The following GRID2 variants were observed in gnomAD, a reference collection of about 807,000 sequenced individuals.
GRID2 encodes the protein glutamate receptor ionotropic, delta-2.
In GRID2, 33 loss-of-function variants were observed where a neutral mutation model predicts 114.8. That is an observed-to-expected ratio of 0.29 (90% CI 0.22 to 0.38). GRID2 has a LOEUF of 0.38. Ranked by LOEUF, GRID2 falls within the 10% of genes least tolerant of loss-of-function variation. The probability of loss-of-function intolerance (pLI) is 1.00; values close to 1 mark genes in which losing one functional copy is unlikely to be tolerated. For missense variants in GRID2, 1,184 were observed against 1,257.7 expected, an observed-to-expected ratio of 0.94 and a Z score of 0.89; for synonymous variants, 505 against 449.9, an observed-to-expected ratio of 1.12 and a Z score of -1.55.
rs925562192 is a variant in GRID2, at chr4:92,886,827, G to T, written c.245-198168G>T. Among the ~76,000 whole-genome samples the T allele has an allele frequency of 1.3e-4, 20 of 151,988 alleles. No homozygotes were observed. In the East Asian group the frequency reaches 3.7e-3, roughly 28 times the overall value. Reference sequence around the variant, plus strand: ...TTTTTAGTAGAGACGGGGTTTCACCGTGTTAGCCAGGATGGCCTTGAAAAC... The same window carrying T: ...TTTTTAGTAGAGACGGGGTTTCACCTTGTTAGCCAGGATGGCCTTGAAAAC... On this transcript the variant is annotated intron_variant, in intron 2 of 15. Coordinates refer to ENST00000282020, the MANE Select transcript of GRID2 (RefSeq NM_001510.4).
At chr4:92,960,824 A>C (rs750371119) in intron 2 of GRID2, among the ~76,000 whole-genome samples, 2 of 151,412 alleles carry the variant, frequency 1.3e-5, no homozygotes, top group East Asian at 3.9e-4. Context: ...TTTGTCTTCT[A>C]CTCTTTCCGC....
chr4:93,137,999 G>A (rs1735429561), intron 4 of GRID2, among the ~76,000 whole-genome samples: 1 of 120,158 alleles, frequency 8.3e-6, no homozygotes, highest in African/African-American at 3.0e-5. Context: ...TTGAGATAGG[G>A]CCTAGCTCTG....
chr4:92,690,875 T>A (rs974764826), intron 2 of GRID2, among the ~76,000 whole-genome samples: 2 of 152,156 alleles, frequency 1.3e-5, no homozygotes, highest in South Asian at 4.1e-4. Flanking sequence ...TTCCAAATCA[T>A]GGAGCTAATA....
chr4:92,721,712 G>T (rs149599338), intron 2 of GRID2, among the ~76,000 whole-genome samples: 9 of 152,000 alleles, frequency 5.9e-5, no homozygotes, highest in Admixed American at 5.9e-4. Flanking sequence ...TAAATATTTT[G>T]TGGCTGCCTC....
At chr4:92,807,796 C>T (rs1411233212) in intron 2 of GRID2, among the ~76,000 whole-genome samples, 1 of 151,908 alleles carries the variant, frequency 6.6e-6, no homozygotes, top group East Asian at 1.9e-4. Flanking sequence ...TACATTTACC[C>T]ACATGTTTAT....
chr4:92,944,408 C>T lies in GRID2; in HGVS notation c.245-140587C>T, dbSNP rs1751443171. On this transcript the variant is annotated intron_variant, in intron 2 of 15. Transcript: ENST00000282020. ...ATATAATCTCCTGGTGTCCTGTTTG[C>T]TAAGACAGTTGGAAAAGCACAGTAT... 2.0e-5 allele frequency among the ~76,000 whole-genome samples: 3 copies of T among 152,320 alleles called. No individual in the cohort carries two copies. The South Asian group carries it at 6.2e-4, about 32-fold the overall frequency.
At position 92,713,491 on chromosome 4, in the gene GRID2, ATATATATAT is replaced by A. The variant is rs1281625704; in HGVS notation, c.244+123206_244+123214del. On this transcript the variant is annotated intron_variant, in intron 2 of 15. Transcript: ENST00000282020. ...TATACATATACATATATATATATAT[ATATATATAT>A]ATATATATATATATATATTACCAAA... 4.7e-3 allele frequency among the ~76,000 whole-genome samples: 580 copies of A among 123,524 alleles called. 8 individuals carry two copies. The highest frequency in any genetic ancestry group is 0.017 in the African/African-American group (549 of 32,228). 81.0% of individuals were successfully genotyped at this position (123,524 alleles called of 152,430 possible).
At position 92,500,287 on chromosome 4, in the gene GRID2, C is replaced by T. The variant is rs570578475; in HGVS notation, c.89-89844C>T. Among the ~76,000 whole-genome samples the T allele has an allele frequency of 3.9e-5, 6 of 151,904 alleles. No individual in the cohort carries two copies. In the South Asian group the frequency reaches 1.2e-3, roughly 32 times the overall value. On this transcript the variant is annotated intron_variant, in intron 1 of 15. Coordinates refer to ENST00000282020, the MANE Select transcript of GRID2 (RefSeq NM_001510.4). Reference sequence around the variant, plus strand: ...TTTCATAATTTCTATTTTTGTGCTTCGTTTTGAGATATTTCCTCCACTTGA... The same window carrying T: ...TTTCATAATTTCTATTTTTGTGCTTTGTTTTGAGATATTTCCTCCACTTGA...
At chr4:92,326,801 C>G (rs1171287573) in intron 1 of GRID2, among the ~76,000 whole-genome samples, 1 of 151,994 alleles carries the variant, frequency 6.6e-6, no homozygotes. Flanking sequence ...CTCTGAGGCA[C>G]AGAAGATAAA....
intron 2 of GRID2, among the ~76,000 whole-genome samples, chr4:93,045,571 C>T (rs898778015): frequency 1.3e-5 from 2 of 152,044 alleles, no homozygotes; most frequent in Admixed American, 6.6e-5. Flanking sequence ...CAACAGGGGA[C>T]ATTTAAATGT....
intron 8 of GRID2, among the ~76,000 whole-genome samples, chr4:93,394,109 T>C (rs1385977301): frequency 6.6e-6 from 1 of 152,008 alleles, no homozygotes; most frequent in Non-Finnish European, 1.5e-5. Context: ...GGGAATGTAA[T>C]TGAAGATAGA....
intron 13 of GRID2, among the ~76,000 whole-genome samples, chr4:93,560,222 T>TAAAAAAAAAAAAAAAAAAAAAAAAAA (rs70942974): frequency 7.0e-5 from 3 of 42,954 alleles, no homozygotes; most frequent in African/African-American, 8.9e-5. Flanking sequence ...GAACTTAAAG[T>TAAAAAAAAAAAAAAAAAAAAAAAAAA]AAAAAAAAAA....
chr4:93,271,791 A>G (rs1462225504), intron 8 of GRID2, among the ~76,000 whole-genome samples: 1 of 151,242 alleles, frequency 6.6e-6, no homozygotes, highest in Non-Finnish European at 1.5e-5. Flanking sequence ...TACTTTATGA[A>G]TGTTGCTTAT....
intron 2 of GRID2, among the ~76,000 whole-genome samples, chr4:92,606,325 A>G (rs768612140): frequency 3.3e-5 from 5 of 151,658 alleles, no homozygotes; most frequent in Non-Finnish European, 7.4e-5. Context: ...TACTATTCTT[A>G]TTAGCGTTTT....
At position 93,428,685 on chromosome 4, in the gene GRID2, A is replaced by T. The variant is rs555695470; in HGVS notation, c.1545+5717A>T. Among the ~76,000 whole-genome samples the T allele has an allele frequency of 2.6e-5, 4 of 152,366 alleles. No homozygotes were observed. In the South Asian group the frequency reaches 8.3e-4, roughly 32 times the overall value. The stretch of plus-strand genomic sequence containing the variant: ...TATAGTTCAAGCATAAAATAAAATG[A>T]TATAAATATTCTACCTATTAAAGCA... On this transcript the variant is annotated intron_variant, in intron 10 of 15. Coordinates refer to ENST00000282020, the MANE Select transcript of GRID2 (RefSeq NM_001510.4).
chr4:92,805,187 C>T (rs180675326), intron 2 of GRID2, among the ~76,000 whole-genome samples: 16 of 151,870 alleles, frequency 1.1e-4, no homozygotes, highest in Admixed American at 7.9e-4. Flanking sequence ...CTTTTTACAA[C>T]GATATCGTTA....
At chr4:92,851,918 C>G (rs894733293) in intron 2 of GRID2, among the ~76,000 whole-genome samples, 2 of 151,876 alleles carry the variant, frequency 1.3e-5, no homozygotes, top group Non-Finnish European at 2.9e-5. Flanking sequence ...AGAAAGACTC[C>G]TGAGACCACC....
chr4:92,884,925 T>C lies in GRID2; in HGVS notation c.245-200070T>C, dbSNP rs1560668297. 4 of 352,588 alleles carry C rather than the reference T, an allele frequency of 1.1e-5. No individual in the cohort carries two copies. In the East Asian group the frequency reaches 2.3e-4, roughly 20 times the overall value. The allele number at this position is 352,588 out of a possible 1,614,324, so 21.8% of individuals were successfully genotyped here. On this transcript the variant is annotated intron_variant, in intron 2 of 15. Coordinates refer to ENST00000282020, the MANE Select transcript of GRID2 (RefSeq NM_001510.4). ...AATGTAGATGATAAGCTGGTGACAT[T>C]TGGTCTCCCCAAAAAAAAAAAATCG...
intron 13 of GRID2, among the ~76,000 whole-genome samples, chr4:93,593,209 T>C (rs1363656222): frequency 1.4e-5 from 2 of 147,892 alleles, no homozygotes; most frequent in Non-Finnish European, 3.0e-5. Context: ...TTCCTTTCCA[T>C]GTTTAGCGCT....
Sources: gnomAD v4.1 joint callset for allele counts (sites outside exome capture counted in the v4.1 genomes callset) on GRCh38, gnomAD v4.1.1 for gene constraint, MANE v1.5 for transcripts, NCBI Gene and HGNC (gene_info 2026-07-23, HGNC 2026-07-21) for gene names.